DLGAP2: variants seen among roughly 807,000 people sequenced by gnomAD.
The protein encoded by DLGAP2 is DLG associated protein 2, also known as disks large-associated protein 2.
Under a neutral mutation model 100.3 loss-of-function variants are expected in DLGAP2, and 26 were observed. That is an observed-to-expected ratio of 0.26 (90% CI 0.19 to 0.36). The LOEUF (loss-of-function observed/expected upper bound fraction) is 0.36, where lower values mean the gene tolerates loss of function less well. DLGAP2 is among the 10% of genes least tolerant of loss of function. DLGAP2 has a pLI of 1.00. For synonymous variants in DLGAP2, 886 were observed against 630.1 expected (o/e 1.41, Z -6.08); for missense variants, 1,858 against 1,453.2 (o/e 1.28, Z -4.53).
chr8:901,424 T>G (rs1446541074), intron 1 of DLGAP2, among the ~76,000 whole-genome samples: 2 of 152,252 alleles, frequency 1.3e-5, no homozygotes, highest in African/African-American at 4.8e-5. Flanking sequence ...AAAAGTAAAG[T>G]GTTTATCTGC....
intron 2 of DLGAP2, among the ~76,000 whole-genome samples, chr8:1,211,511 A>T (rs2116787135): frequency 6.6e-6 from 1 of 152,346 alleles, no homozygotes; most frequent in East Asian, 1.9e-4. Flanking sequence ...ATTGTATTTA[A>T]ATTTTCTGTT....
intron 1 of DLGAP2, among the ~76,000 whole-genome samples, chr8:797,093 A>G (rs1057455781): frequency 3.3e-5 from 5 of 152,198 alleles, no homozygotes; most frequent in African/African-American, 1.2e-4. Flanking sequence ...CTTTTATGCA[A>G]TAAAATGAAC....
intron 6 of DLGAP2, among the ~76,000 whole-genome samples, chr8:1,582,427 A>G (rs1803319319): frequency 6.6e-6 from 1 of 152,126 alleles, no homozygotes; most frequent in Non-Finnish European, 1.5e-5. Context: ...GTAAAGTGAC[A>G]TACTTAAAAC....
chr8:1,656,026 A>G (rs1033964565), intron 8 of DLGAP2, among the ~76,000 whole-genome samples: 2 of 152,180 alleles, frequency 1.3e-5, no homozygotes, highest in African/African-American at 4.8e-5. Flanking sequence ...GTGTTCAGAT[A>G]TTTTAGAATA....
chr8:1,187,438 C>G (rs1013716129), intron 2 of DLGAP2, among the ~76,000 whole-genome samples: 5 of 138,004 alleles, frequency 3.6e-5, no homozygotes, highest in Admixed American at 2.1e-4. Context: ...ACGTTTGCCT[C>G]ACGGAATCTC....
chr8:1,626,072 G>C (rs77165849), intron 6 of DLGAP2, among the ~76,000 whole-genome samples: 2,574 of 87,850 alleles, frequency 0.029, 437 homozygotes, highest in African/African-American at 0.086. Context: ...CCCATCTCTG[G>C]CCTGTGGCGG....
chr8:1,535,210 G>A (rs908369718), intron 4 of DLGAP2, among the ~76,000 whole-genome samples: 17 of 152,210 alleles, frequency 1.1e-4, no homozygotes, highest in African/African-American at 3.6e-4. Flanking sequence ...ACACTCAGAG[G>A]GCTGGGCTGT....
chr8:771,631 G>A (rs755629388), intron 1 of DLGAP2, among the ~76,000 whole-genome samples: 20 of 152,226 alleles, frequency 1.3e-4, no homozygotes, highest in African/African-American at 2.7e-4. Flanking sequence ...TAATGGTCAC[G>A]AGAGTGGCAA....
At chr8:1,159,574 CTCT>C (rs1216215978) in intron 2 of DLGAP2, among the ~76,000 whole-genome samples, 2 of 47,292 alleles carry the variant, frequency 4.2e-5, no homozygotes, top group East Asian at 4.4e-4. Context: ...AAGCAGCACA[CTCT>C]TCTGTGTATT....
chr8:1,701,580 T>G lies in DLGAP2; in HGVS notation c.*174T>G, dbSNP rs980759675. 1.5e-6 allele frequency: 1 copy of G among 685,148 alleles called. No individual in the cohort carries two copies. The highest frequency in any genetic ancestry group is 2.4e-6 in the Non-Finnish European group (1 of 420,610). 42.4% of individuals were successfully genotyped at this position (685,148 alleles called of 1,614,324 possible). A position where few individuals can be genotyped will look rare whatever the true frequency, so the allele number is the denominator to read the frequency against. ...CCGGCGGCCTCAGAGTCCACGGAGC[T>G]CGCGGCGAGGACGACTTCTGCTTTT... On this transcript the variant is annotated 3_prime_UTR_variant, in exon 15 of 15. Coordinates refer to ENST00000637795, the MANE Select transcript of DLGAP2 (RefSeq NM_001346810.2).
At chr8:952,005 C>T (rs1354599946) in intron 2 of DLGAP2, among the ~76,000 whole-genome samples, 1 of 152,220 alleles carries the variant, frequency 6.6e-6, no homozygotes, top group Non-Finnish European at 1.5e-5. Flanking sequence ...GGACTTTGTC[C>T]TTGCCCTCCC....
In DLGAP2 at chr8:1,408,471, G is replaced by A. The variant is rs1796638759; in HGVS notation, c.107-92895G>A. 2.0e-5 allele frequency among the ~76,000 whole-genome samples: 3 copies of A among 152,174 alleles called. No homozygotes were observed. The South Asian group carries it at 6.2e-4, about 32-fold the overall frequency. ...CATCTGGGGCACCGTGTCAAGTCCT[G>A]AAGCCCCCATGGCCCTGCAGAGGGA... is the stretch of plus-strand genomic sequence containing the variant. On this transcript the variant is annotated intron_variant, in intron 3 of 14. Transcript: ENST00000637795.
At chr8:1,243,135 A>T (rs1354722502) in intron 2 of DLGAP2, among the ~76,000 whole-genome samples, 4 of 152,096 alleles carry the variant, frequency 2.6e-5, no homozygotes, top group African/African-American at 9.7e-5. Flanking sequence ...GGTTACCCTG[A>T]GCACTGCATG....
intron 8 of DLGAP2, among the ~76,000 whole-genome samples, chr8:1,646,130 A>C (rs1463708776): frequency 6.6e-6 from 1 of 152,008 alleles, no homozygotes; most frequent in African/African-American, 2.4e-5. Flanking sequence ...TAGCATTTGG[A>C]GGGGTGGACG....
chr8:1,675,425 C>T (rs903816451), intron 10 of DLGAP2, among the ~76,000 whole-genome samples: 2 of 152,218 alleles, frequency 1.3e-5, no homozygotes, highest in African/African-American at 4.8e-5. Context: ...GCTGGAACCT[C>T]AGCCTAGTGC....
intron 3 of DLGAP2, among the ~76,000 whole-genome samples, chr8:1,310,727 G>A (rs1391183484): frequency 4.0e-5 from 6 of 151,730 alleles, no homozygotes; most frequent in African/African-American, 7.3e-5. Context: ...GTGCATTCTC[G>A]GCTCGCTGCA....
intron 4 of DLGAP2, among the ~76,000 whole-genome samples, chr8:1,510,894 T>C (rs148928871): frequency 6.6e-6 from 1 of 152,340 alleles, no homozygotes; most frequent in East Asian, 1.9e-4. Flanking sequence ...AGGAATTGTG[T>C]TTGGAGTAAA....
chr8:1,694,809 T>C (rs1344054892), intron 13 of DLGAP2, among the ~76,000 whole-genome samples: 2 of 151,954 alleles, frequency 1.3e-5, no homozygotes, highest in East Asian at 3.9e-4. Context: ...AAAGAGGCCC[T>C]GCATGAGTTT....
chr8:1,496,154 T>C (rs1345562278), intron 3 of DLGAP2, among the ~76,000 whole-genome samples: 2 of 152,216 alleles, frequency 1.3e-5, no homozygotes, highest in Non-Finnish European at 2.9e-5. Context: ...GTCACTCACC[T>C]GCCCACAATC....
Sources: allele counts gnomAD v4.1 joint callset (sites outside exome capture counted in the v4.1 genomes callset), GRCh38; gene constraint gnomAD v4.1.1; transcripts MANE v1.5; gene names NCBI Gene and HGNC (gene_info 2026-07-23, HGNC 2026-07-21).